The following GNAQ variants were observed in gnomAD, a reference collection of about 807,000 sequenced individuals.
The protein encoded by GNAQ is guanine nucleotide-binding protein G(q) subunit alpha.
In GNAQ, 8 loss-of-function variants were observed where a neutral mutation model predicts 43.9. The ratio of observed to expected loss-of-function variants is 0.18; its 90% CI spans 0.11 to 0.33. GNAQ has a LOEUF of 0.33. Among genes scored for constraint, GNAQ ranks in the 10% least tolerant of loss-of-function variants. The probability of loss-of-function intolerance (pLI) is 1.00; values close to 1 mark genes in which losing one functional copy is unlikely to be tolerated. For synonymous variants in GNAQ, 155 were observed against 170.7 expected (o/e 0.91, Z 0.71); for missense variants, 158 against 450.8 (o/e 0.35, Z 5.88).
intron 1 of GNAQ, among the ~76,000 whole-genome samples, chr9:77,991,472 C>T (rs1248820494): frequency 2.0e-5 from 3 of 152,338 alleles, no homozygotes; most frequent in Admixed American, 6.5e-5. Flanking sequence ...AGGAAGACTA[C>T]GAGATTGTCT....
chr9:77,838,646 G>A (rs1248635766), intron 2 of GNAQ, among the ~76,000 whole-genome samples: 1 of 151,966 alleles, frequency 6.6e-6, no homozygotes, highest in African/African-American at 2.4e-5. Flanking sequence ...TCAAACTCCT[G>A]ACCTCAGGTG....
At chr9:77,848,736 A>T (rs1827624722) in intron 2 of GNAQ, among the ~76,000 whole-genome samples, 1 of 152,246 alleles carries the variant, frequency 6.6e-6, no homozygotes, top group African/African-American at 2.4e-5. Flanking sequence ...CAACGTCCGC[A>T]TCATAAGTCT....
intron 1 of GNAQ, among the ~76,000 whole-genome samples, chr9:78,006,773 T>C (rs1823712128): frequency 6.6e-6 from 1 of 152,222 alleles, no homozygotes; most frequent in Non-Finnish European, 1.5e-5. Flanking sequence ...AAATAGAAGA[T>C]TTTGCAATGT....
chr9:77,743,487 C>T (rs1564097029), intron 5 of GNAQ, among the ~76,000 whole-genome samples: 1 of 152,098 alleles, frequency 6.6e-6, no homozygotes, highest in Non-Finnish European at 1.5e-5. Flanking sequence ...GGATCAGAAC[C>T]AATTCTATTG....
chr9:77,771,673 G>T lies in GNAQ; in HGVS notation c.735+22790C>A, dbSNP rs557077183. 2.3e-4 allele frequency among the ~76,000 whole-genome samples: 35 copies of T among 152,242 alleles called. No homozygotes were observed. In the East Asian group the frequency reaches 5.8e-3, roughly 25 times the overall value. The stretch of plus-strand genomic sequence containing the variant: ...TGCAAAATAAAAATGTGGGGTCCTT[G>T]TTTAAGATGGCCACAGACAGAAGAG... On this transcript the variant is annotated intron_variant, in intron 5 of 6. Transcript: ENST00000286548.
chr9:77,987,661 G>C (rs550842478), intron 1 of GNAQ, among the ~76,000 whole-genome samples: 54 of 152,206 alleles, frequency 3.5e-4, no homozygotes, highest in Admixed American at 1.4e-3. Flanking sequence ...AGGTACTTAG[G>C]ATCTAGCAAT....
At chr9:78,008,598 TCA>T (rs1366032365) in intron 1 of GNAQ, among the ~76,000 whole-genome samples, 2,804 of 151,932 alleles carry the variant, frequency 0.018, 86 homozygotes, top group African/African-American at 0.063. Context: ...TCATTTCATT[TCA>T]TTTCATTTCA....
Position 77,990,238 on chromosome 9 carries a change from A to T in GNAQ, c.136+40862T>A, listed in dbSNP as rs77187263. On this transcript the variant is annotated intron_variant, in intron 1 of 6. Transcript: ENST00000286548. ...TTTATTTTATTGTATTTCTTTCTTT[A>T]ATTTTTTAGAGACATGCTCTCACTC... Among the ~76,000 whole-genome samples, 959 of 152,172 alleles carry T rather than the reference A, an allele frequency of 6.3e-3. 11 individuals carry two copies. The highest frequency in any genetic ancestry group is 0.022 in the African/African-American group (905 of 41,512).
chr9:77,779,397 T>A (rs1393087057), intron 5 of GNAQ, among the ~76,000 whole-genome samples: 1 of 151,912 alleles, frequency 6.6e-6, no homozygotes, highest in Admixed American at 6.6e-5. Flanking sequence ...ATTTGTGGAA[T>A]ACAACAAAAT....
At chr9:77,874,368 GTTCCAAGATATTC>G (rs1828096889) in intron 2 of GNAQ, among the ~76,000 whole-genome samples, 2 of 152,068 alleles carry the variant, frequency 1.3e-5, no homozygotes, top group African/African-American at 2.4e-5. Context: ...ACTGGCCCGC[GTTCCAAGATATTC>G]TTCCTTCCAC....
At chr9:77,874,977 A>AGGGGTT (rs1403601949) in intron 2 of GNAQ, among the ~76,000 whole-genome samples, 2 of 151,778 alleles carry the variant, frequency 1.3e-5, no homozygotes, top group Non-Finnish European at 2.9e-5. Context: ...ACCAAGCAGA[A>AGGGGTT]GGGGTTGGGG....
intron 5 of GNAQ, among the ~76,000 whole-genome samples, chr9:77,782,008 C>T (rs1029298144): frequency 6.6e-6 from 1 of 151,936 alleles, no homozygotes; most frequent in Admixed American, 6.5e-5. Context: ...ACTGGAAGTC[C>T]TAGCAAATGT....
chr9:77,996,506 T>C (rs1823569177), intron 1 of GNAQ, among the ~76,000 whole-genome samples: 1 of 151,766 alleles, frequency 6.6e-6, no homozygotes, highest in Non-Finnish European at 1.5e-5. Flanking sequence ...GGTGAAACCC[T>C]ATCCCTACAA....
intron 2 of GNAQ, among the ~76,000 whole-genome samples, chr9:77,836,692 G>A (rs1030946445): frequency 1.3e-5 from 2 of 152,094 alleles, no homozygotes; most frequent in African/African-American, 4.8e-5. Flanking sequence ...GAAAAGAATA[G>A]TACTAAATCC....
At position 77,972,568 on chromosome 9, in the gene GNAQ, G is replaced by A. The variant is rs1587439153; in HGVS notation, c.137-50223C>T. ...CTAGTTACAAGATACAATTTAAGAA[G>A]TCTATTCACTACAACAATCAAAAAC... On this transcript the variant is annotated intron_variant, in intron 1 of 6. Transcript: ENST00000286548. 2.0e-5 allele frequency among the ~76,000 whole-genome samples: 3 copies of A among 152,122 alleles called. No homozygotes were observed. The East Asian group carries it at 5.8e-4, about 29-fold the overall frequency.
intron 5 of GNAQ, among the ~76,000 whole-genome samples, chr9:77,782,522 T>C (rs1413194621): frequency 2.6e-5 from 4 of 152,118 alleles, no homozygotes; most frequent in Non-Finnish European, 5.9e-5. Flanking sequence ...TGTAGAGCAG[T>C]AGAACTCTCA....
intron 1 of GNAQ, among the ~76,000 whole-genome samples, chr9:78,017,589 A>T (rs930792534): frequency 5.9e-5 from 9 of 152,340 alleles, no homozygotes; most frequent in African/African-American, 2.2e-4. Flanking sequence ...TGTCCATAAC[A>T]ATGGCAGTAA....
intron 2 of GNAQ, among the ~76,000 whole-genome samples, chr9:77,877,585 TGAG>T (rs1034152738): frequency 3.9e-5 from 6 of 152,294 alleles, no homozygotes; most frequent in African/African-American, 1.4e-4. Flanking sequence ...GCTTTTTATT[TGAG>T]GAGGAGTGTG....
chr9:77,838,693 C>T (rs557535524), intron 2 of GNAQ, among the ~76,000 whole-genome samples: 2 of 152,110 alleles, frequency 1.3e-5, no homozygotes, highest in Non-Finnish European at 2.9e-5. Context: ...GCTGGGATTA[C>T]AGGGGTGAGC....
Sources: gnomAD v4.1 joint callset for allele counts (sites outside exome capture counted in the v4.1 genomes callset) on GRCh38, gnomAD v4.1.1 for gene constraint, MANE v1.5 for transcripts, NCBI Gene and HGNC (gene_info 2026-07-23, HGNC 2026-07-21) for gene names.